Variants in HSPG2 observed in about 807,000 individuals in gnomAD.
HSPG2 encodes the protein heparan sulfate proteoglycan 2, also known as basement membrane-specific heparan sulfate proteoglycan core protein.
A neutral mutation model predicts 526.6 loss-of-function variants in HSPG2; 278 were observed. The ratio of observed to expected loss-of-function variants is 0.53; its 90% CI spans 0.48 to 0.58. The LOEUF (loss-of-function observed/expected upper bound fraction) is 0.58, where lower values mean the gene tolerates loss of function less well. Ranked by LOEUF, HSPG2 falls within the 20% of genes least tolerant of loss-of-function variation. The pLI, the probability that HSPG2 is intolerant of heterozygous loss-of-function variation, is 0.00. For synonymous variants in HSPG2, 2,465 were observed against 2,555.4 expected, an observed-to-expected ratio of 0.96 and a Z score of 1.07; for missense variants, 5,354 against 6,099.5, an observed-to-expected ratio of 0.88 and a Z score of 4.07.
rs1257618577 is a variant in HSPG2, at chr1:21,828,822, A to G, written c.12237+13T>C. The stretch of plus-strand genomic sequence containing the variant: ...CCCTCCCCTCCCGCTTGTCCCGAGG[A>G]GGCTGCTCTTACCTCGCCCACACAG... On this transcript the variant is annotated intron_variant, in intron 88 of 96. Coordinates refer to ENST00000374695, the MANE Select transcript of HSPG2 (RefSeq NM_005529.7). The surrounding 1 kb of genome is among the most constrained non-coding windows in gnomAD (Gnocchi z 6.0). 6.5e-7 allele frequency: 1 copy of G among 1,549,558 alleles called. No homozygotes were observed. The highest frequency in any genetic ancestry group is 2.5e-5 in the East Asian group (1 of 40,800).
rs114039567 is a variant in HSPG2 at position 21,929,985 on chromosome 1, C to T, written c.63+7170G>A. ...CAGCCAAAGCAATCCTATGGAACAC[C>T]GGGCCCCTTCAGTGACTTCTCAATT... On this transcript the variant is annotated intron_variant, in intron 1 of 96. Transcript: ENST00000374695. Among the ~76,000 whole-genome samples, 712 of 152,238 alleles carry T rather than the reference C, an allele frequency of 4.7e-3. 4 individuals carry two copies. Among genetic ancestry groups the T allele is most frequent in the African/African-American group, 0.016 (674 of 41,540 alleles).
chr1:21,834,014 C>T (rs2098015951), intron 77 of HSPG2, 89 bp from the exon 78 acceptor site: 3 of 879,836 alleles, frequency 3.4e-6, no homozygotes, highest in Non-Finnish European at 5.6e-6. Flanking sequence ...ATCTTCACAC[C>T]ACCCCTTGAA....
At chr1:21,916,017 T>G (rs1356360036) in intron 1 of HSPG2, among the ~76,000 whole-genome samples, 2 of 143,930 alleles carry the variant, frequency 1.4e-5, no homozygotes, top group African/African-American at 5.2e-5. Flanking sequence ...CACCACTGCA[T>G]GCCAGCCTGG....
At chr1:21,877,072 AAAAAG>A (rs1557767649) in intron 21 of HSPG2, among the ~76,000 whole-genome samples, 4 of 151,258 alleles carry the variant, frequency 2.6e-5, no homozygotes, top group Non-Finnish European at 2.9e-5. Flanking sequence ...AAAAAAAAAA[AAAAAG>A]AAAAGAAAAG....
intron 91 of HSPG2, among the ~76,000 whole-genome samples, chr1:21,826,635 G>A (rs2097976100): frequency 1.3e-5 from 2 of 151,964 alleles, no homozygotes; most frequent in South Asian, 2.1e-4. Context: ...TCAGCCTCCG[G>A]AGTAGCTGGG....
chr1:21,846,259 A>T lies in HSPG2; in HGVS notation c.8317-4T>A. On this transcript the variant is annotated splice_region_variant and splice_polypyrimidine_tract_variant and intron_variant, in intron 63 of 96. Coordinates refer to ENST00000374695, the MANE Select transcript of HSPG2 (RefSeq NM_005529.7). ...GCCGCAGCCGTGAGCCGCGGGTCTG[A>T]ATAGGGGACAGGACAGAGGAACAGA... is the stretch of plus-strand genomic sequence containing the variant. 6.2e-7 allele frequency: 1 copy of T among 1,613,040 alleles called. No individual in the cohort carries two copies. The highest frequency in any genetic ancestry group is 8.5e-7 in the Non-Finnish European group (1 of 1,179,964).
At chr1:21,916,564 T>A (rs1643892395) in intron 1 of HSPG2, among the ~76,000 whole-genome samples, 1 of 151,560 alleles carries the variant, frequency 6.6e-6, no homozygotes, top group African/African-American at 2.4e-5. Context: ...TGGTGGTGTG[T>A]GCCTGTAATC....
intron 6 of HSPG2, 48 bp downstream of exon 6, chr1:21,889,933 A>AT: frequency 6.2e-7 from 1 of 1,606,296 alleles, no homozygotes; most frequent in Non-Finnish European, 8.5e-7. Flanking sequence ...CTGAAAGGGG[A>AT]CCCCACGAGT....
chr1:21,824,585 C>CA lies in HSPG2; in HGVS notation c.12695dup (p.Glu4233GlyfsTer45), dbSNP rs1283383321. ...CACTGGCTGTGCTGGTCCGAACCTC[C>CA]AGCTCGATGGTCTCGGGCACCTCGG... On this transcript the variant is annotated frameshift_variant, in exon 93 of 97. Coordinates refer to ENST00000374695, the MANE Select transcript of HSPG2 (RefSeq NM_005529.7). LOFTEE classifies it high-confidence loss of function. This position sits in a 1 kb window ranked among gnomAD's most constrained non-coding sequence, Gnocchi z 5.9. 6.2e-7 allele frequency: 1 copy of CA among 1,614,050 alleles called. No individual in the cohort carries two copies. The highest frequency in any genetic ancestry group is 8.5e-7 in the Non-Finnish European group (1 of 1,180,044).
intron 91 of HSPG2, chr1:21,825,188 TAAA>T (rs1446450490): frequency 1.4e-5 from 4 of 277,294 alleles, no homozygotes; most frequent in Non-Finnish European, 2.8e-5. Context: ...GATGTGTTAA[TAAA>T]GAAGCACATA....
At chr1:21,843,555 G>A (rs2098058338) in intron 65 of HSPG2, 117 bp from the exon 66 acceptor site, 4 of 1,105,348 alleles carry the variant, frequency 3.6e-6, no homozygotes, top group African/African-American at 3.1e-5. Flanking sequence ...TCCTGTTGGA[G>A]GCGACCCCTT....
At chr1:21,835,279 A>G in intron 76 of HSPG2, 1 of 598,644 alleles carries the variant, frequency 1.7e-6, no homozygotes, top group Non-Finnish European at 3.0e-6. Flanking sequence ...GCGTTCCACC[A>G]TGCCCGGTTC....
At position 21,829,598 on chromosome 1, in the gene HSPG2, G is replaced by C; in HGVS notation, c.11777C>G (p.Thr3926Arg). 6.2e-7 allele frequency: 1 copy of C among 1,604,420 alleles called. No individual in the cohort carries two copies. The highest frequency in any genetic ancestry group is 1.1e-5 in the South Asian group (1 of 90,682). The change falls in exon 87 of 97, where the codon ACA becomes AGA. Residue 3926 changes from threonine (T) to arginine (R), a missense_variant. Coordinates refer to ENST00000374695, the MANE Select transcript of HSPG2 (RefSeq NM_005529.7). ...RSGLRCEEGV[T>R]VTTPSLSGAG... Reference sequence around the variant, plus strand: ...ACCCGACAGCGAGGGGGTGGTCACTGTCACACCTGCAGCAGCCACAGCTCA... The same window carrying C: ...ACCCGACAGCGAGGGGGTGGTCACTCTCACACCTGCAGCAGCCACAGCTCA...
rs1641814436 is a variant in HSPG2, at chr1:21,885,398, T to C, written c.1132A>G (p.Thr378Ala). 1 of 1,614,030 alleles carries C rather than the reference T, an allele frequency of 6.2e-7. No homozygotes were observed. Among genetic ancestry groups the C allele is most frequent in the Non-Finnish European group, 8.5e-7 (1 of 1,179,984 alleles). ...CGPTQFRCVS[T>A]NMCIPASFHC... ...AAGCTGGCTGGGATGCACATGTTGG[T>C]AGAGACGCATCGGAACTGTGTGGGC... The change falls in exon 10 of 97, where the codon ACC (threonine) becomes GCC (alanine). Residue 378 changes from threonine (T) to alanine (A), a missense_variant. Transcript: ENST00000374695.
In HSPG2 at chr1:21,848,091, G is replaced by A. The variant is rs1053973800; in HGVS notation, c.7740C>T (p.Ile2580=). The A allele has an allele frequency of 1.9e-6, 3 of 1,596,894 alleles. No homozygotes were observed. The African/African-American group carries it at 4.0e-5, about 21-fold the overall frequency. ...RGGSLPSRHQ[I]VGSRLRIPQV... Reference sequence around the variant, plus strand: ...GAGGGATCCGCAGCCGGGAGCCCACGATCTGCAGGAAGCAGATGGCAGGAG... The same window carrying A: ...GAGGGATCCGCAGCCGGGAGCCCACAATCTGCAGGAAGCAGATGGCAGGAG... The change falls in exon 60 of 97, where the codon ATC becomes ATT. Residue 2580 remains isoleucine, a splice_region_variant and synonymous_variant. Transcript: ENST00000374695. The surrounding 1 kb of genome is among the most constrained non-coding windows in gnomAD (Gnocchi z 4.9).
rs1557687379 is a variant in HSPG2, at chr1:21,836,972, T to C, written c.10185A>G (p.Pro3395=). 8 of 1,554,230 alleles carry C rather than the reference T, an allele frequency of 5.1e-6. No homozygotes were observed. The highest frequency in any genetic ancestry group is 5.2e-6 in the Non-Finnish European group (6 of 1,148,962). Residue 3395 remains proline (P), a synonymous_variant, in exon 75 of 97, where the codon CCA becomes CCG. Coordinates refer to ENST00000374695, the MANE Select transcript of HSPG2 (RefSeq NM_005529.7). ...CCTGCACGGTGGGCGTGGACCCTGC[T>C]GGGATGGAGGTGGCAGGGAGAGAGC... ...PPGSLPATSI[P]AGSTPTVQVT...
chr1:21,858,145 C>T lies in HSPG2; in HGVS notation c.5294-760G>A, dbSNP rs544460161. On this transcript the variant is annotated intron_variant, in intron 42 of 96. Transcript: ENST00000374695. This position sits in a 1 kb window ranked among gnomAD's most constrained non-coding sequence, Gnocchi z 4.2. The stretch of plus-strand genomic sequence containing the variant: ...TTGTCCACACTCGCTGCCTTCCCAC[C>T]CATGTGTCGCCTCCTTCCAATCTGG... Among the ~76,000 whole-genome samples the T allele has an allele frequency of 2.9e-4, 44 of 152,342 alleles. No homozygotes were observed. The highest frequency in any genetic ancestry group is 8.3e-4 in the South Asian group (4 of 4,830).
rs1639814753 is a variant in HSPG2, at chr1:21,861,846, G to T, written c.4869-3C>A. ...GGCTCTCACAGGTGCGGGAAAACCTGGGATCGGGGAGGCAAAGGTCAGGTC... is the reference window on the plus strand; with the variant it reads ...GGCTCTCACAGGTGCGGGAAAACCTTGGATCGGGGAGGCAAAGGTCAGGTC... On this transcript the variant is annotated splice_region_variant and splice_polypyrimidine_tract_variant and intron_variant, in intron 38 of 96. Coordinates refer to ENST00000374695, the MANE Select transcript of HSPG2 (RefSeq NM_005529.7). The T allele has an allele frequency of 5.6e-6, 9 of 1,613,606 alleles. No homozygotes were observed. Among genetic ancestry groups the T allele is most frequent in the Non-Finnish European group, 7.6e-6 (9 of 1,180,004 alleles).
rs146512799 is a variant in HSPG2 at position 21,908,502 on chromosome 1, C to G, written c.64-12192G>C. On this transcript the variant is annotated intron_variant, in intron 1 of 96. Coordinates refer to ENST00000374695, the MANE Select transcript of HSPG2 (RefSeq NM_005529.7). ...AACTAAAGCGCCAGCCTGCTCCACC[C>G]AGCAAAGCACACTTTGTGAGAACCA... The G allele has an allele frequency of 9.3e-5, 87 of 935,624 alleles. No homozygotes were observed. The African/African-American group carries it at 1.3e-3, about 14-fold the overall frequency. The allele number at this position is 935,624 out of a possible 1,614,324, so 58.0% of individuals were successfully genotyped here. A position where few individuals can be genotyped will look rare whatever the true frequency, so the allele number is the denominator to read the frequency against.
Sources: allele counts gnomAD v4.1 joint callset (sites outside exome capture counted in the v4.1 genomes callset), GRCh38; gene constraint gnomAD v4.1.1; non-coding constraint Gnocchi (gnomAD v3.1); transcripts MANE v1.5; gene names NCBI Gene and HGNC (gene_info 2026-07-23, HGNC 2026-07-21).